CNTNAP2: variants seen among roughly 807,000 people sequenced by gnomAD.
The protein encoded by CNTNAP2 is contactin associated protein 2.
CNTNAP2 carries 98 observed loss-of-function variants against 155.2 expected under a neutral mutation model. The ratio of observed to expected loss-of-function variants is 0.63; its 90% CI spans 0.54 to 0.75. The LOEUF (loss-of-function observed/expected upper bound fraction) is 0.75, where lower values mean the gene tolerates loss of function less well. Ranked by LOEUF, CNTNAP2 falls within the 30% of genes least tolerant of loss-of-function variation. The pLI is 0.00. For missense variants in CNTNAP2, 1,727 were observed against 1,688.1 expected, an observed-to-expected ratio of 1.02 and a Z score of -0.40; for synonymous variants, 651 against 631.2, an observed-to-expected ratio of 1.03 and a Z score of -0.47.
At chr7:147,554,195 A>C (rs760918009) in intron 11 of CNTNAP2, among the ~76,000 whole-genome samples, 1 of 152,156 alleles carries the variant, frequency 6.6e-6, no homozygotes, top group Non-Finnish European at 1.5e-5. Context: ...ACCCTGAATA[A>C]AATACAAGTA....
intron 11 of CNTNAP2, among the ~76,000 whole-genome samples, chr7:147,520,682 T>G (rs1000199449): frequency 6.6e-5 from 10 of 152,242 alleles, no homozygotes; most frequent in African/African-American, 2.4e-4. Flanking sequence ...ATCAAGAGCA[T>G]TTGACCCTAA....
At chr7:147,297,665 A>C (rs543485238) in intron 8 of CNTNAP2, among the ~76,000 whole-genome samples, 1 of 152,328 alleles carries the variant, frequency 6.6e-6, no homozygotes, top group East Asian at 1.9e-4. Context: ...ACTTTTCGTG[A>C]GTTCAAAAAG....
chr7:146,271,463 A>C (rs1033636877), intron 1 of CNTNAP2, among the ~76,000 whole-genome samples: 3 of 151,984 alleles, frequency 2.0e-5, no homozygotes, highest in Non-Finnish European at 4.4e-5. Flanking sequence ...CCTTAGCTTC[A>C]AAGTCCCTAA....
At chr7:146,864,398 C>G (rs150592920) in intron 3 of CNTNAP2, among the ~76,000 whole-genome samples, 1 of 152,104 alleles carries the variant, frequency 6.6e-6, no homozygotes, top group African/African-American at 2.4e-5. Flanking sequence ...ACAAAGTGTT[C>G]TTAACAAAAA....
At chr7:146,813,252 T>C (rs1244847820) in intron 2 of CNTNAP2, among the ~76,000 whole-genome samples, 1 of 152,098 alleles carries the variant, frequency 6.6e-6, no homozygotes, top group East Asian at 1.9e-4. Flanking sequence ...TTTGGGCACC[T>C]GCAACAGCCA....
At chr7:146,365,735 G>C (rs1311381594) in intron 1 of CNTNAP2, among the ~76,000 whole-genome samples, 1 of 152,064 alleles carries the variant, frequency 6.6e-6, no homozygotes, top group Admixed American at 6.6e-5. Flanking sequence ...AATTAATCAC[G>C]TGGTCAAATG....
At chr7:147,645,667 C>T (rs1320204769) in intron 13 of CNTNAP2, among the ~76,000 whole-genome samples, 1 of 152,050 alleles carries the variant, frequency 6.6e-6, no homozygotes, top group East Asian at 1.9e-4. Flanking sequence ...AGAACCTCAA[C>T]TGGAATAATG....
chr7:147,058,595 T>C (rs1162643392), intron 4 of CNTNAP2, among the ~76,000 whole-genome samples: 1 of 152,086 alleles, frequency 6.6e-6, no homozygotes, highest in Non-Finnish European at 1.5e-5. Flanking sequence ...TCTTTTTTGT[T>C]CGTTTGTTTT....
At chr7:147,378,653 A>T (rs1796482117) in intron 9 of CNTNAP2, among the ~76,000 whole-genome samples, 1 of 152,110 alleles carries the variant, frequency 6.6e-6, no homozygotes, top group Non-Finnish European at 1.5e-5. Flanking sequence ...GGTTACAAAA[A>T]TACAGTTGGA....
chr7:148,245,093 A>G (rs1419015552), intron 20 of CNTNAP2, among the ~76,000 whole-genome samples: 1 of 152,178 alleles, frequency 6.6e-6, no homozygotes, highest in Non-Finnish European at 1.5e-5. Context: ...GATTGAGAAT[A>G]CTTTTAGAGA....
chr7:147,103,329 A>G (rs1163125331), intron 4 of CNTNAP2, among the ~76,000 whole-genome samples: 1 of 152,152 alleles, frequency 6.6e-6, no homozygotes, highest in Non-Finnish European at 1.5e-5. Context: ...TGGCAGTCAC[A>G]CTTTTTATAA....
intron 3 of CNTNAP2, among the ~76,000 whole-genome samples, chr7:146,987,410 C>T (rs565678902): frequency 1.3e-5 from 2 of 151,954 alleles, no homozygotes; most frequent in Non-Finnish European, 2.9e-5. Flanking sequence ...AAGGTAAATA[C>T]AAATAAATGA....
At chr7:146,430,598 G>T (rs990678749) in intron 1 of CNTNAP2, among the ~76,000 whole-genome samples, 4 of 151,980 alleles carry the variant, frequency 2.6e-5, no homozygotes, top group Non-Finnish European at 5.9e-5. Flanking sequence ...CAATTAATCA[G>T]CATGGCCTGG....
intron 11 of CNTNAP2, among the ~76,000 whole-genome samples, chr7:147,516,574 C>T (rs1039044793): frequency 2.0e-5 from 3 of 151,360 alleles, no homozygotes; most frequent in African/African-American, 7.3e-5. Flanking sequence ...ATAGTTTTTC[C>T]CATTAGCTTA....
At chr7:146,361,527 T>G (rs923383919) in intron 1 of CNTNAP2, among the ~76,000 whole-genome samples, 1 of 152,178 alleles carries the variant, frequency 6.6e-6, no homozygotes, top group African/African-American at 2.4e-5. Flanking sequence ...ATGAGGTAAA[T>G]TAACTCTTCC....
At chr7:147,394,813 G>GTC (rs1205672069) in intron 9 of CNTNAP2, among the ~76,000 whole-genome samples, 1 of 110,408 alleles carries the variant, frequency 9.1e-6, no homozygotes, top group East Asian at 4.2e-4. Flanking sequence ...AGTATTGTGT[G>GTC]TGTGTGTGTG....
intron 16 of CNTNAP2, 71 bp downstream of exon 16, chr7:148,118,359 G>C (rs957158678): frequency 1.3e-5 from 20 of 1,513,812 alleles, no homozygotes; most frequent in Non-Finnish European, 1.8e-5. Flanking sequence ...GGTCCTGATT[G>C]TGGAAGGCCT....
Position 148,123,708 on chromosome 7 carries a change from CAG to C in CNTNAP2, c.2554+5424_2554+5425del, listed in dbSNP as rs1206761609. Among the ~76,000 whole-genome samples the C allele has an allele frequency of 2.0e-5, 3 of 147,412 alleles. No individual in the cohort carries two copies. The South Asian group carries it at 6.5e-4, about 32-fold the overall frequency. On this transcript the variant is annotated intron_variant, in intron 16 of 23. Coordinates refer to ENST00000361727, the MANE Select transcript of CNTNAP2 (RefSeq NM_014141.6). ...GGAAAAAGAAAGAGAAAGAGAGAAACAGAGAAAGAAAGAAAAGAAAAAGGAAG... is the reference window on the plus strand; with the variant it reads ...GGAAAAAGAAAGAGAAAGAGAGAAACAGAAAGAAAGAAAAGAAAAAGGAAG...
Position 146,674,398 on chromosome 7 carries a change from G to T in CNTNAP2, c.98-99873G>T, listed in dbSNP as rs148950302. ...TAATTTTAGAAATAAGAAAATGGAGGTGGGCTAATAAGTTGTTTAAGATTC... is the reference window on the plus strand; with the variant it reads ...TAATTTTAGAAATAAGAAAATGGAGTTGGGCTAATAAGTTGTTTAAGATTC... On this transcript the variant is annotated intron_variant, in intron 1 of 23. Coordinates refer to ENST00000361727, the MANE Select transcript of CNTNAP2 (RefSeq NM_014141.6). Among the ~76,000 whole-genome samples the T allele has an allele frequency of 2.5e-3, 386 of 152,204 alleles. 1 individual carries two copies. The highest frequency in any genetic ancestry group is 8.8e-3 in the African/African-American group (366 of 41,536).
Sources: gnomAD v4.1 joint callset for allele counts (sites outside exome capture counted in the v4.1 genomes callset) on GRCh38, gnomAD v4.1.1 for gene constraint, MANE v1.5 for transcripts, NCBI Gene and HGNC (gene_info 2026-07-23, HGNC 2026-07-21) for gene names.